Variants in LRRTM3 observed in about 807,000 individuals in gnomAD.
LRRTM3 encodes leucine rich repeat transmembrane neuronal 3.
A neutral mutation model predicts 44.7 loss-of-function variants in LRRTM3; 24 were observed. The ratio of observed to expected loss-of-function variants is 0.54; its 90% CI spans 0.39 to 0.76. The LOEUF (loss-of-function observed/expected upper bound fraction) is 0.76. Among genes scored for constraint, LRRTM3 ranks in the 30% least tolerant of loss-of-function variants. The pLI is 0.00. For synonymous variants in LRRTM3, 277 were observed against 278.7 expected, an observed-to-expected ratio of 0.99 and a Z score of 0.06; for missense variants, 587 against 702.2, an observed-to-expected ratio of 0.84 and a Z score of 1.85.
intron 2 of LRRTM3, among the ~76,000 whole-genome samples, chr10:67,090,718 A>G (rs1857579844): frequency 6.6e-6 from 1 of 152,086 alleles, no homozygotes; most frequent in South Asian, 2.1e-4. Context: ...TGAAGAGAAT[A>G]TTAGAGACGT....
intron 2 of LRRTM3, among the ~76,000 whole-genome samples, chr10:66,980,565 TACCCA>T (rs1850370014): frequency 6.6e-6 from 1 of 152,090 alleles, no homozygotes; most frequent in Non-Finnish European, 1.5e-5. Context: ...GAGACCTTCC[TACCCA>T]CCTGTGATTA....
intron 2 of LRRTM3, among the ~76,000 whole-genome samples, chr10:67,040,983 T>C (rs1854354668): frequency 2.6e-5 from 4 of 152,060 alleles, no homozygotes; most frequent in African/African-American, 9.7e-5. Flanking sequence ...ATAAGCATTT[T>C]ATACTTTTTT....
At chr10:66,952,471 C>T (rs539913451) in intron 2 of LRRTM3, among the ~76,000 whole-genome samples, 14 of 152,080 alleles carry the variant, frequency 9.2e-5, no homozygotes, top group African/African-American at 1.7e-4. Context: ...CAGGGTATGC[C>T]GTCTTGTTTT....
chr10:67,059,143 AT>A (rs1456611053), intron 2 of LRRTM3, among the ~76,000 whole-genome samples: 1 of 152,158 alleles, frequency 6.6e-6, no homozygotes, highest in Non-Finnish European at 1.5e-5. Context: ...ATGCAGTCTA[AT>A]TTCAGAGTTC....
intron 2 of LRRTM3, among the ~76,000 whole-genome samples, chr10:66,989,789 T>C (rs1850939725): frequency 6.6e-6 from 1 of 152,186 alleles, no homozygotes; most frequent in South Asian, 2.1e-4. Flanking sequence ...ACTTGGCTGC[T>C]GGTCTGAGCT....
At chr10:67,041,288 C>A (rs181429855) in intron 2 of LRRTM3, among the ~76,000 whole-genome samples, 200 of 152,184 alleles carry the variant, frequency 1.3e-3, no homozygotes, top group African/African-American at 4.6e-3. Context: ...ACTATGCTTC[C>A]AGCCTTATGG....
At chr10:67,063,613 A>G (rs1242200731) in intron 2 of LRRTM3, among the ~76,000 whole-genome samples, 5 of 152,198 alleles carry the variant, frequency 3.3e-5, no homozygotes, top group Non-Finnish European at 7.4e-5. Context: ...AGTTTTAGAT[A>G]ATGCATATGA....
At chr10:66,976,939 C>T (rs749231630) in intron 2 of LRRTM3, among the ~76,000 whole-genome samples, 4 of 152,052 alleles carry the variant, frequency 2.6e-5, no homozygotes, top group Non-Finnish European at 5.9e-5. Context: ...TGAAATGAAC[C>T]AAAATTTAAA....
intron 2 of LRRTM3, among the ~76,000 whole-genome samples, chr10:67,072,354 T>C (rs1856511340): frequency 1.3e-5 from 2 of 152,234 alleles, no homozygotes; most frequent in Admixed American, 1.3e-4. Context: ...ACCTGTAATA[T>C]CTGGATCATC....
At chr10:67,085,046 T>A (rs901206930) in intron 2 of LRRTM3, among the ~76,000 whole-genome samples, 1 of 151,968 alleles carries the variant, frequency 6.6e-6, no homozygotes, top group African/African-American at 2.4e-5. Flanking sequence ...GAGCTTCAAA[T>A]TTGCTGTCCA....
intron 2 of LRRTM3, among the ~76,000 whole-genome samples, chr10:66,970,504 G>T (rs1849660354): frequency 1.1e-5 from 1 of 92,944 alleles, no homozygotes; most frequent in East Asian, 2.0e-4. Context: ...TTCTTGGGTG[G>T]GGGGGGGATA....
chr10:67,002,471 G>A (rs1851745375), intron 2 of LRRTM3, among the ~76,000 whole-genome samples: 1 of 152,222 alleles, frequency 6.6e-6, no homozygotes, highest in South Asian at 2.1e-4. Context: ...CCAAGCCATA[G>A]ATAAGAGCTA....
At chr10:66,947,979 G>C (rs942065218) in intron 2 of LRRTM3, among the ~76,000 whole-genome samples, 1 of 152,196 alleles carries the variant, frequency 6.6e-6, no homozygotes. Flanking sequence ...TGTTAGGCTA[G>C]GAACTTACTT....
intron 2 of LRRTM3, 122 bp from the exon 3 acceptor site, chr10:67,097,464 TG>T: frequency 1.3e-6 from 1 of 770,702 alleles, no homozygotes; most frequent in Non-Finnish European, 2.2e-6. Flanking sequence ...TAGGGACACC[TG>T]GGCCACAGGG....
chr10:66,926,261 G>GA lies in LRRTM3; in HGVS notation c.-323_-322insA, dbSNP rs1554880330. ...CGATAAGAAGAAATTGTAGGATCCA[G>GA]TTTTTTTTTTAACCGCCCCCTCCCC... is the stretch of plus-strand genomic sequence containing the variant. On this transcript the variant is annotated 5_prime_UTR_variant, in exon 1 of 3. Transcript: ENST00000361320. The GA allele has an allele frequency of 7.3e-5, 30 of 413,540 alleles. No individual in the cohort carries two copies. Among genetic ancestry groups the GA allele is most frequent in the Non-Finnish European group, 1.3e-4 (30 of 223,390 alleles). 25.6% of individuals were successfully genotyped at this position (413,540 alleles called of 1,614,324 possible). A position where few individuals can be genotyped will look rare whatever the true frequency, so the allele number is the denominator to read the frequency against.
rs1271183979 is a variant in LRRTM3, at chr10:67,089,670, T to C, written c.1537-7917T>C. On this transcript the variant is annotated intron_variant, in intron 2 of 2. Coordinates refer to ENST00000361320, the MANE Select transcript of LRRTM3 (RefSeq NM_178011.5). ...TGGCACACATAAAGGATGAATGATA[T>C]AGTTAGTCGAATCAGCCAATCAGAG... Among the ~76,000 whole-genome samples, 7 of 151,784 alleles carry C rather than the reference T, an allele frequency of 4.6e-5. 1 individual carries two copies. Among genetic ancestry groups the C allele is most frequent in the African/African-American group, 1.5e-4 (6 of 41,338 alleles).
At chr10:67,045,459 C>T (rs556259932) in intron 2 of LRRTM3, among the ~76,000 whole-genome samples, 1 of 151,678 alleles carries the variant, frequency 6.6e-6, no homozygotes, top group African/African-American at 2.4e-5. Context: ...TTTTACAAAC[C>T]CTTGTGTTGC....
intron 2 of LRRTM3, among the ~76,000 whole-genome samples, chr10:66,962,000 C>T (rs1703616278): frequency 6.6e-6 from 1 of 152,168 alleles, no homozygotes; most frequent in South Asian, 2.1e-4. Flanking sequence ...ACTTAAGTCT[C>T]TCATTTTACT....
chr10:66,939,428 A>C (rs115093741), intron 2 of LRRTM3, among the ~76,000 whole-genome samples: 2,526 of 152,300 alleles, frequency 0.017, 54 homozygotes, highest in African/African-American at 0.057. Context: ...TAATAGTTTT[A>C]TCTCTCATGA....
Sources: allele counts gnomAD v4.1 joint callset (sites outside exome capture counted in the v4.1 genomes callset), GRCh38; gene constraint gnomAD v4.1.1; transcripts MANE v1.5; gene names NCBI Gene and HGNC (gene_info 2026-07-23, HGNC 2026-07-21).